Variants in SPTSSB observed in about 807,000 individuals in gnomAD.
The protein encoded by SPTSSB is serine palmitoyltransferase small subunit B.
In SPTSSB, 6 loss-of-function variants were observed where a neutral mutation model predicts 7.7. The observed-to-expected ratio is 0.78, with a 90% CI of 0.43 to 1.54. The LOEUF (loss-of-function observed/expected upper bound fraction) is 1.54. SPTSSB is among the 40% of genes most tolerant of loss of function. SPTSSB has a pLI of 0.01. For synonymous variants in SPTSSB, 28 were observed against 29.7 expected (o/e 0.94, Z 0.19); for missense variants, 91 against 93.0 (o/e 0.98, Z 0.09).
chr3:161,353,886 C>G (rs894188622), intron 2 of SPTSSB, among the ~76,000 whole-genome samples: 8 of 152,048 alleles, frequency 5.3e-5, no homozygotes, highest in Admixed American at 2.0e-4. Flanking sequence ...TTCTTTTCAT[C>G]TTAGAATACT....
At position 161,345,972 on chromosome 3, in the gene SPTSSB, T is replaced by C; in HGVS notation, c.*121A>G. The stretch of plus-strand genomic sequence containing the variant: ...CAGGCAGAAAGGCAGAATATAAGAG[T>C]GCATAGAGAAGAGAGTGCTTTTCAG... On this transcript the variant is annotated 3_prime_UTR_variant, in exon 3 of 3. Transcript: ENST00000620149. 1 of 623,604 alleles carries C rather than the reference T, an allele frequency of 1.6e-6. No homozygotes were observed. Among genetic ancestry groups the C allele is most frequent in the Non-Finnish European group, 2.9e-6 (1 of 348,398 alleles). 38.6% of individuals were successfully genotyped at this position (623,604 alleles called of 1,614,324 possible). A position where few individuals can be genotyped will look rare whatever the true frequency, so the allele number is the denominator to read the frequency against.
chr3:161,356,105 T>A (rs1343362728), intron 2 of SPTSSB, among the ~76,000 whole-genome samples: 2 of 152,110 alleles, frequency 1.3e-5, no homozygotes, highest in Non-Finnish European at 2.9e-5. Flanking sequence ...GTTGTCAAAA[T>A]AGAAGGGGAA....
chr3:161,357,756 G>A (rs926287800), intron 2 of SPTSSB, among the ~76,000 whole-genome samples: 28 of 151,886 alleles, frequency 1.8e-4, no homozygotes, highest in African/African-American at 6.5e-4. Context: ...GAAGACAGGC[G>A]AGATCAGAGT....
chr3:161,365,760 C>T (rs1401843731), intron 1 of SPTSSB, among the ~76,000 whole-genome samples: 1 of 152,090 alleles, frequency 6.6e-6, no homozygotes, highest in Non-Finnish European at 1.5e-5. Flanking sequence ...TAAATGTATC[C>T]TTTTGACTTA....
chr3:161,348,310 A>AT lies in SPTSSB; in HGVS notation c.-32-1956dup, dbSNP rs1369511274. On this transcript the variant is annotated intron_variant, in intron 2 of 2. Transcript: ENST00000620149. Reference sequence around the variant, plus strand: ...AACAAAACAAAACAAAACACTCTAAATTAAAAAAAATGCATTGATTAATTT... The same window carrying AT: ...AACAAAACAAAACAAAACACTCTAAATTTAAAAAAAATGCATTGATTAATTT... Among the ~76,000 whole-genome samples, 8 of 81,844 alleles carry AT rather than the reference A, an allele frequency of 9.8e-5. No individual in the cohort carries two copies. In the East Asian group the frequency reaches 9.6e-3, roughly 98 times the overall value. The allele number at this position is 81,844 out of a possible 152,430, so 53.7% of individuals were successfully genotyped here. A position where few individuals can be genotyped will look rare whatever the true frequency, so the allele number is the denominator to read the frequency against.
chr3:161,355,992 T>C (rs1321520792), intron 2 of SPTSSB, among the ~76,000 whole-genome samples: 4 of 152,178 alleles, frequency 2.6e-5, no homozygotes, highest in African/African-American at 4.8e-5. Flanking sequence ...GCATTACTAG[T>C]CTAGCAAAAT....
chr3:161,350,824 G>C lies in SPTSSB; in HGVS notation c.-32-4469C>G, dbSNP rs1331243658. ...TGATAAGCCCTGCTTCAGCCAGGTG[G>C]TCAAGGCCAACATCGATCATTATTA... On this transcript the variant is annotated intron_variant, in intron 2 of 2. Transcript: ENST00000620149. Among the ~76,000 whole-genome samples the C allele has an allele frequency of 2.0e-5, 3 of 152,160 alleles. No homozygotes were observed. In the East Asian group the frequency reaches 5.8e-4, roughly 29 times the overall value.
chr3:161,349,873 T>C (rs1345379477), intron 2 of SPTSSB, among the ~76,000 whole-genome samples: 1 of 152,202 alleles, frequency 6.6e-6, no homozygotes, highest in Non-Finnish European at 1.5e-5. Flanking sequence ...TACTACTCTT[T>C]TATCAACGGG....
chr3:161,358,451 G>A (rs1714874853), intron 2 of SPTSSB, among the ~76,000 whole-genome samples: 1 of 152,080 alleles, frequency 6.6e-6, no homozygotes, highest in Non-Finnish European at 1.5e-5. Context: ...TCTCCAGCTG[G>A]AGAACAGGAA....
At position 161,346,292 on chromosome 3, in the gene SPTSSB, G is replaced by A; in HGVS notation, c.32C>T (p.Ser11Phe). The A allele has an allele frequency of 6.2e-7, 1 of 1,613,690 alleles. No homozygotes were observed. Among genetic ancestry groups the A allele is most frequent in the East Asian group, 2.2e-5 (1 of 44,862 alleles). Residue 11 changes from serine (S) to phenylalanine (F), a missense_variant, in exon 3 of 3, where the codon TCC becomes TTC. By Grantham distance (155) the Ser-to-Phe change is radical. Coordinates refer to ENST00000620149, the MANE Select transcript of SPTSSB (RefSeq NM_001040100.2). MDLRRVKEYF[S>F]WLYYQYQIIS... ...GATTTGGTATTGATAGTAGAGCCAGGAGAAATATTCCTTCACACGCCTCAA... is the reference window on the plus strand; with the variant it reads ...GATTTGGTATTGATAGTAGAGCCAGAAGAAATATTCCTTCACACGCCTCAA...
At chr3:161,348,398 T>G (rs1054305046) in intron 2 of SPTSSB, among the ~76,000 whole-genome samples, 3 of 152,242 alleles carry the variant, frequency 2.0e-5, no homozygotes, top group Non-Finnish European at 4.4e-5. Flanking sequence ...AGCCAACACC[T>G]TAATGATGGC....
chr3:161,346,294 G>T lies in SPTSSB; in HGVS notation c.30C>A (p.Phe10Leu). 1 of 1,613,628 alleles carries T rather than the reference G, an allele frequency of 6.2e-7. No individual in the cohort carries two copies. The change falls in exon 3 of 3, where the codon TTC (phenylalanine) becomes TTA (leucine). Residue 10 changes from phenylalanine (F) to leucine (L), a missense_variant. By Grantham distance (22) the Phe-to-Leu change is conservative. Coordinates refer to ENST00000620149, the MANE Select transcript of SPTSSB (RefSeq NM_001040100.2). Reference sequence around the variant, plus strand: ...TTTGGTATTGATAGTAGAGCCAGGAGAAATATTCCTTCACACGCCTCAAAT... The same window carrying T: ...TTTGGTATTGATAGTAGAGCCAGGATAAATATTCCTTCACACGCCTCAAAT... MDLRRVKEY[F>L]SWLYYQYQII...
At position 161,346,372 on chromosome 3, in the gene SPTSSB, C is replaced by A; in HGVS notation, c.-32-17G>T. ...AAGTTTGTCCTGTTAAAGAATGTAACAGATTAGAGGATGAGGAACCAAACA... is the reference window on the plus strand; with the variant it reads ...AAGTTTGTCCTGTTAAAGAATGTAAAAGATTAGAGGATGAGGAACCAAACA... On this transcript the variant is annotated splice_polypyrimidine_tract_variant and intron_variant, in intron 2 of 2. Transcript: ENST00000620149. 1 of 1,294,042 alleles carries A rather than the reference C, an allele frequency of 7.7e-7. No homozygotes were observed. The highest frequency in any genetic ancestry group is 1.1e-6 in the Non-Finnish European group (1 of 889,812). 80.2% of individuals were successfully genotyped at this position (1,294,042 alleles called of 1,614,324 possible).
At chr3:161,356,552 A>G (rs1714777808) in intron 2 of SPTSSB, among the ~76,000 whole-genome samples, 1 of 152,138 alleles carries the variant, frequency 6.6e-6, no homozygotes, top group Non-Finnish European at 1.5e-5. Context: ...TCTAATACTA[A>G]TTGTCTGTTT....
rs758241988 is a variant in SPTSSB at position 161,346,282 on chromosome 3, G to C, written c.42C>G (p.Tyr14Ter). The C allele has an allele frequency of 1.2e-6, 2 of 1,613,950 alleles. No individual in the cohort carries two copies. Among genetic ancestry groups the C allele is most frequent in the African/African-American group, 1.3e-5 (1 of 75,046 alleles). The change falls in exon 3 of 3, where the codon TAC becomes TAG. Residue 14 changes from tyrosine to a stop codon, truncating the protein, a stop_gained. Coordinates refer to ENST00000620149, the MANE Select transcript of SPTSSB (RefSeq NM_001040100.2). LOFTEE classifies it high-confidence loss of function. ...AGCAGCTAATGATTTGGTATTGATAGTAGAGCCAGGAGAAATATTCCTTCA... is the reference window on the plus strand; with the variant it reads ...AGCAGCTAATGATTTGGTATTGATACTAGAGCCAGGAGAAATATTCCTTCA... ...RRVKEYFSWL[Y>*]YQYQIISCCA...
At chr3:161,364,574 C>T (rs761292785) in intron 1 of SPTSSB, among the ~76,000 whole-genome samples, 8 of 151,824 alleles carry the variant, frequency 5.3e-5, no homozygotes, top group Non-Finnish European at 1.0e-4. Flanking sequence ...AAAGGTCACA[C>T]ACAGGAAAAA....
At chr3:161,348,078 AG>A (rs1714340872) in intron 2 of SPTSSB, 1 of 152,182 alleles carries the variant, frequency 6.6e-6, no homozygotes, top group Admixed American at 6.6e-5. Flanking sequence ...ACAAACATGC[AG>A]TGATCGAGGG....
At chr3:161,362,074 C>T (rs573979600) in intron 1 of SPTSSB, among the ~76,000 whole-genome samples, 1 of 152,104 alleles carries the variant, frequency 6.6e-6, no homozygotes, top group African/African-American at 2.4e-5. Context: ...TTTTAAGGCC[C>T]AAGCTCTCCA....
chr3:161,354,701 T>A (rs747365073), intron 2 of SPTSSB, among the ~76,000 whole-genome samples: 28 of 152,214 alleles, frequency 1.8e-4, no homozygotes, highest in Non-Finnish European at 2.9e-4. Context: ...CAAAACAATT[T>A]AAAAAACATG....
Sources: gnomAD v4.1 joint callset for allele counts (sites outside exome capture counted in the v4.1 genomes callset) on GRCh38, gnomAD v4.1.1 for gene constraint, MANE v1.5 for transcripts, NCBI Gene and HGNC (gene_info 2026-07-23, HGNC 2026-07-21) for gene names.